ZEB2: variants seen among roughly 807,000 people sequenced by gnomAD.
The protein encoded by ZEB2 is zinc finger E-box binding homeobox 2.
Under a neutral mutation model 99.9 loss-of-function variants are expected in ZEB2, and 6 were observed. That is an observed-to-expected ratio of 0.06 (90% CI 0.03 to 0.12). The LOEUF (loss-of-function observed/expected upper bound fraction) is 0.12, where lower values mean the gene tolerates loss of function less well. Among genes scored for constraint, ZEB2 ranks in the 10% least tolerant of loss-of-function variants. ZEB2 has a pLI of 1.00. For missense variants in ZEB2, 969 were observed against 1,502.8 expected (o/e 0.64, Z 5.87); for synonymous variants, 517 against 542.5 (o/e 0.95, Z 0.65).
intron 3 of ZEB2, chr2:144,429,302 T>C (rs1703735196): frequency 5.6e-6 from 1 of 177,164 alleles, no homozygotes; most frequent in Non-Finnish European, 1.2e-5. Flanking sequence ...ACGATTGAAT[T>C]CCAATAGGAG....
chr2:144,466,522 A>C, intron 2 of ZEB2, among the ~76,000 whole-genome samples: 1 of 152,272 alleles, frequency 6.6e-6, no homozygotes, highest in Admixed American at 6.5e-5. Flanking sequence ...TTTCTACATA[A>C]AAAAATGTCA....
At chr2:144,463,846 CAAAA>C (rs563235478) in intron 2 of ZEB2, 10 of 138,366 alleles carry the variant, frequency 7.2e-5, no homozygotes, top group Admixed American at 2.2e-4. Flanking sequence ...AAACAAAAAA[CAAAA>C]AACAAAAAAC....
chr2:144,440,327 T>A (rs1447613440), intron 2 of ZEB2, among the ~76,000 whole-genome samples: 2 of 152,064 alleles, frequency 1.3e-5, no homozygotes, highest in African/African-American at 4.8e-5. Flanking sequence ...TTATTGAAAC[T>A]GCTTTATCCT....
intron 3 of ZEB2, 150 bp from the exon 4 acceptor site, chr2:144,425,017 T>C (rs760232934): frequency 9.2e-6 from 7 of 761,724 alleles, no homozygotes; most frequent in African/African-American, 1.7e-5. Flanking sequence ...GTTCAGGCAA[T>C]TGAATGAATC....
chr2:144,396,773 G>A lies in ZEB2; in HGVS notation c.2887-181C>T, dbSNP rs939272767. ...ATATGCAGTATATGCAACAATATACGCAACAAAAATATAAACTTCTCTGCC... is the reference window on the plus strand; with the variant it reads ...ATATGCAGTATATGCAACAATATACACAACAAAAATATAAACTTCTCTGCC... On this transcript the variant is annotated intron_variant, in intron 8 of 9. Transcript: ENST00000627532. Among the ~76,000 whole-genome samples the A allele has an allele frequency of 2.6e-5, 4 of 152,038 alleles. No individual in the cohort carries two copies. In the South Asian group the frequency reaches 6.2e-4, roughly 24 times the overall value.
chr2:144,487,423 A>C (rs1322405925), intron 2 of ZEB2, among the ~76,000 whole-genome samples: 1 of 152,202 alleles, frequency 6.6e-6, no homozygotes, highest in Non-Finnish European at 1.5e-5. Context: ...AAAAGCTTAA[A>C]AAGATTGACA....
At chr2:144,436,028 AG>A (rs1281484142) in intron 2 of ZEB2, among the ~76,000 whole-genome samples, 1 of 151,950 alleles carries the variant, frequency 6.6e-6, no homozygotes. Flanking sequence ...TTAATAATGG[AG>A]GCCTAGTGAC....
intron 2 of ZEB2, among the ~76,000 whole-genome samples, chr2:144,479,904 C>G (rs1200070374): frequency 6.6e-6 from 1 of 152,136 alleles, no homozygotes; most frequent in Non-Finnish European, 1.5e-5. Flanking sequence ...AGACGATGCA[C>G]AAGCCCCGGG....
chr2:144,461,731 A>G (rs1373575475), intron 2 of ZEB2: 2 of 152,178 alleles, frequency 1.3e-5, no homozygotes, highest in Non-Finnish European at 2.9e-5. Flanking sequence ...TGGCTTCTCC[A>G]CCAAGGTTTA....
At chr2:144,471,459 A>C (rs1483686691) in intron 2 of ZEB2, among the ~76,000 whole-genome samples, 2 of 152,096 alleles carry the variant, frequency 1.3e-5, no homozygotes, top group African/African-American at 4.8e-5. Context: ...ATGACATGAA[A>C]AGAACAAAAA....
intron 2 of ZEB2, among the ~76,000 whole-genome samples, chr2:144,510,867 G>A (rs945734475): frequency 2.0e-5 from 3 of 152,152 alleles, no homozygotes; most frequent in South Asian, 2.1e-4. Flanking sequence ...GAGACACAGC[G>A]GATCAGATAT....
At chr2:144,437,913 TTC>T (rs1251536679) in intron 2 of ZEB2, among the ~76,000 whole-genome samples, 2 of 152,154 alleles carry the variant, frequency 1.3e-5, no homozygotes, top group African/African-American at 4.8e-5. Context: ...TATAAAAATT[TTC>T]TCTGATTGTT....
intron 9 of ZEB2, among the ~76,000 whole-genome samples, chr2:144,394,850 T>G (rs1703199985): frequency 6.6e-6 from 1 of 152,194 alleles, no homozygotes; most frequent in Non-Finnish European, 1.5e-5. Context: ...TCACTTGAGC[T>G]GCCTCCAGCA....
intron 2 of ZEB2, chr2:144,512,312 A>G (rs1008171086): frequency 1.6e-5 from 21 of 1,287,152 alleles, no homozygotes; most frequent in Non-Finnish European, 2.0e-5. Flanking sequence ...AAGAATGCAG[A>G]TGACAAAAAC....
rs181137747 is a variant in ZEB2, at chr2:144,386,453, T to G, written c.*2998A>C. 8.0e-4 allele frequency: 122 copies of G among 152,238 alleles called. 2 individuals carry two copies. Among genetic ancestry groups the G allele is most frequent in the Admixed American group, 7.4e-3 (113 of 15,290 alleles). 9.4% of individuals were successfully genotyped at this position (152,238 alleles called of 1,614,324 possible). The stretch of plus-strand genomic sequence containing the variant: ...TCACAATTCACAAGTGTTATCCTGA[T>G]ATTTTCAGACTCAGGTATTCTGAGC... On this transcript the variant is annotated 3_prime_UTR_variant, in exon 10 of 10. Coordinates refer to ENST00000627532, the MANE Select transcript of ZEB2 (RefSeq NM_014795.4).
At chr2:144,417,220 G>A (rs1703552596) in intron 4 of ZEB2, among the ~76,000 whole-genome samples, 1 of 151,898 alleles carries the variant, frequency 6.6e-6, no homozygotes, top group Admixed American at 6.6e-5. Context: ...TTCTCTTCTT[G>A]TCATTATGAT....
At chr2:144,425,037 T>C in intron 3 of ZEB2, 170 bp from the exon 4 acceptor site, 1 of 660,784 alleles carries the variant, frequency 1.5e-6, no homozygotes. Flanking sequence ...CCAATAGTGC[T>C]AGCTGCACAA....
chr2:144,496,591 C>A (rs1293673042), intron 2 of ZEB2: 1 of 152,106 alleles, frequency 6.6e-6, no homozygotes, highest in African/African-American at 2.4e-5. Flanking sequence ...ATCATTATTG[C>A]CTGTGTTGCT....
chr2:144,454,216 T>A (rs1704090946), intron 2 of ZEB2, among the ~76,000 whole-genome samples: 1 of 152,242 alleles, frequency 6.6e-6, no homozygotes, highest in Non-Finnish European at 1.5e-5. Flanking sequence ...GGAAATACAG[T>A]TTATTTTACA....
Sources: gnomAD v4.1 joint callset for allele counts (sites outside exome capture counted in the v4.1 genomes callset) on GRCh38, gnomAD v4.1.1 for gene constraint, MANE v1.5 for transcripts, NCBI Gene and HGNC (gene_info 2026-07-23, HGNC 2026-07-21) for gene names.